RBMS1: variants seen among roughly 807,000 people sequenced by gnomAD.
RBMS1 encodes the protein RNA-binding motif, single-stranded-interacting protein 1.
RBMS1 carries 17 observed loss-of-function variants against 62.3 expected under a neutral mutation model. The ratio of observed to expected loss-of-function variants is 0.27; its 90% CI spans 0.19 to 0.41. The LOEUF (loss-of-function observed/expected upper bound fraction) is 0.41. Among genes scored for constraint, RBMS1 ranks in the 10% least tolerant of loss-of-function variants. The pLI is 1.00. For synonymous variants in RBMS1, 172 were observed against 170.0 expected, an observed-to-expected ratio of 1.01 and a Z score of -0.09; for missense variants, 334 against 504.5, an observed-to-expected ratio of 0.66 and a Z score of 3.24.
chr2:160,382,929 C>T (rs1694353530), intron 1 of RBMS1, among the ~76,000 whole-genome samples: 1 of 151,998 alleles, frequency 6.6e-6, no homozygotes, highest in Admixed American at 6.6e-5. Flanking sequence ...CATCCTAATA[C>T]AATTTAAATG....
chr2:160,322,965 G>A (rs564077054), intron 2 of RBMS1, among the ~76,000 whole-genome samples: 18 of 152,122 alleles, frequency 1.2e-4, no homozygotes, highest in Non-Finnish European at 8.8e-5. Flanking sequence ...GGAGTGGGAG[G>A]GTTCACAGTA....
rs1209103818 is a variant in RBMS1 at position 160,273,203 on chromosome 2, T to C, written c.*1569A>G. The stretch of plus-strand genomic sequence containing the variant: ...AATCAGGAATTTCATAGTTTCAAAA[T>C]TGGTTTTCTTTACACTTGAACACTT... On this transcript the variant is annotated 3_prime_UTR_variant, in exon 14 of 14. Coordinates refer to ENST00000348849, the MANE Select transcript of RBMS1 (RefSeq NM_016836.4). 1 of 152,230 alleles carries C rather than the reference T, an allele frequency of 6.6e-6. No individual in the cohort carries two copies. The highest frequency in any genetic ancestry group is 2.4e-5 in the African/African-American group (1 of 41,454). 9.4% of individuals were successfully genotyped at this position (152,230 alleles called of 1,614,324 possible).
rs190045704 is a variant in RBMS1, at chr2:160,448,028, C to G, written c.75+45261G>C. 1.6e-3 allele frequency among the ~76,000 whole-genome samples: 244 copies of G among 152,216 alleles called. 3 individuals are homozygous for G. Among genetic ancestry groups the G allele is most frequent in the Non-Finnish European group, 3.1e-4 (21 of 67,998 alleles). On this transcript the variant is annotated intron_variant, in intron 1 of 13. Coordinates refer to ENST00000348849, the MANE Select transcript of RBMS1 (RefSeq NM_016836.4). ...CTAATCAGATCATAGGCTATGTTAA[C>G]TTTAATTTTCATGCCAAAAGTAACA...
intron 1 of RBMS1, among the ~76,000 whole-genome samples, chr2:160,418,721 G>A (rs890642455): frequency 6.6e-6 from 1 of 152,116 alleles, no homozygotes; most frequent in Non-Finnish European, 1.5e-5. Context: ...TTTATTGACT[G>A]CAGGTTGATT....
At chr2:160,406,778 G>A (rs1695733381) in intron 1 of RBMS1, among the ~76,000 whole-genome samples, 1 of 152,178 alleles carries the variant, frequency 6.6e-6, no homozygotes, top group Admixed American at 6.5e-5. Context: ...CCCAGCAGGG[G>A]ATTGTGATCT....
intron 4 of RBMS1, among the ~76,000 whole-genome samples, chr2:160,311,478 C>T (rs948410020): frequency 3.3e-5 from 5 of 151,904 alleles, no homozygotes; most frequent in African/African-American, 9.7e-5. Flanking sequence ...TGGGAGGTAA[C>T]TTATCCGCTT....
At chr2:160,423,115 T>C (rs1574039078) in intron 1 of RBMS1, among the ~76,000 whole-genome samples, 2 of 152,196 alleles carry the variant, frequency 1.3e-5, no homozygotes, top group African/African-American at 2.4e-5. Flanking sequence ...ATTTGCATCC[T>C]TGATTTCGAA....
At chr2:160,316,612 G>C (rs1690236648) in intron 3 of RBMS1, among the ~76,000 whole-genome samples, 1 of 152,126 alleles carries the variant, frequency 6.6e-6, no homozygotes, top group Non-Finnish European at 1.5e-5. Flanking sequence ...GGCTTCTATG[G>C]AATAGGTTGC....
chr2:160,291,106 T>A (rs1434632856), intron 6 of RBMS1, among the ~76,000 whole-genome samples: 1 of 152,212 alleles, frequency 6.6e-6, no homozygotes, highest in East Asian at 1.9e-4. Context: ...CCTCCTCACT[T>A]ATCAAACAGC....
chr2:160,433,261 A>C (rs988645631), intron 1 of RBMS1, among the ~76,000 whole-genome samples: 2 of 152,178 alleles, frequency 1.3e-5, no homozygotes, highest in African/African-American at 4.8e-5. Flanking sequence ...AAAAAAATAC[A>C]AAAACTAGCC....
At chr2:160,456,430 C>A (rs1446276272) in intron 1 of RBMS1, among the ~76,000 whole-genome samples, 1 of 152,124 alleles carries the variant, frequency 6.6e-6, no homozygotes, top group African/African-American at 2.4e-5. Context: ...TATTTTTAAT[C>A]TAGATAATTA....
intron 1 of RBMS1, among the ~76,000 whole-genome samples, chr2:160,404,242 C>T (rs1695579309): frequency 1.3e-5 from 2 of 152,098 alleles, no homozygotes; most frequent in Admixed American, 1.3e-4. Flanking sequence ...CTAATGTGCT[C>T]ACAGGCCTGT....
chr2:160,287,216 T>C (rs1465533556), intron 6 of RBMS1, 132 bp from the exon 7 acceptor site: 2 of 1,150,766 alleles, frequency 1.7e-6, no homozygotes, highest in Non-Finnish European at 1.2e-6. Flanking sequence ...AAAAGCAGTT[T>C]ACTCAGACCT....
At chr2:160,355,520 C>T (rs1261488101) in intron 2 of RBMS1, among the ~76,000 whole-genome samples, 20 of 152,028 alleles carry the variant, frequency 1.3e-4, no homozygotes, top group Admixed American at 1.3e-3. Context: ...ATCTTTGAAC[C>T]ACATTCTTCC....
At chr2:160,371,312 T>C (rs1693710180) in intron 1 of RBMS1, among the ~76,000 whole-genome samples, 1 of 152,196 alleles carries the variant, frequency 6.6e-6, no homozygotes, top group Non-Finnish European at 1.5e-5. Context: ...ACATTTTGCC[T>C]CTCAAAACCC....
intron 2 of RBMS1, 95 bp downstream of exon 2, chr2:160,367,121 C>T: frequency 7.9e-7 from 1 of 1,262,618 alleles, no homozygotes; most frequent in East Asian, 2.4e-5. Flanking sequence ...ACAGATACTT[C>T]TTATAAACTT....
intron 1 of RBMS1, among the ~76,000 whole-genome samples, chr2:160,448,318 C>A (rs1018147144): frequency 1.3e-4 from 20 of 150,184 alleles, no homozygotes; most frequent in African/African-American, 4.2e-4. Context: ...CCGTCTCCCT[C>A]TTTGCACGGT....
intron 1 of RBMS1, among the ~76,000 whole-genome samples, chr2:160,387,519 TCAGGG>T (rs1236655895): frequency 2.0e-5 from 3 of 152,112 alleles, no homozygotes; most frequent in African/African-American, 7.2e-5. Flanking sequence ...CTGACCAGTT[TCAGGG>T]GAGGAAGGGG....
chr2:160,407,979 CGCCCGCCCGCTGGGCGCGGCGCCTGCCG>C (rs1421397641), intron 1 of RBMS1: 1 of 937,168 alleles, frequency 1.1e-6, no homozygotes, highest in African/African-American at 1.8e-5. Flanking sequence ...CGCGCCTCCC[CGCCCGCCCGCTGGGCGCGGCGCCTGCCG>C]CCCCATCGCC....
Sources: allele counts gnomAD v4.1 joint callset (sites outside exome capture counted in the v4.1 genomes callset), GRCh38; gene constraint gnomAD v4.1.1; transcripts MANE v1.5; gene names NCBI Gene and HGNC (gene_info 2026-07-23, HGNC 2026-07-21).